The following GNPTAB variants were observed in gnomAD, a reference collection of about 807,000 sequenced individuals.
The protein encoded by GNPTAB is N-acetylglucosamine-1-phosphate transferase subunits alpha and beta.
In GNPTAB, 92 loss-of-function variants were observed where a neutral mutation model predicts 136.6. The observed-to-expected ratio is 0.67, with a 90% CI of 0.57 to 0.80. The LOEUF is 0.80. Ranked by LOEUF, GNPTAB falls within the 30% of genes least tolerant of loss-of-function variation. GNPTAB has a pLI of 0.00. For synonymous variants in GNPTAB, 512 were observed against 535.1 expected, an observed-to-expected ratio of 0.96 and a Z score of 0.60; for missense variants, 1,343 against 1,501.8, an observed-to-expected ratio of 0.89 and a Z score of 1.75.
At chr12:101,778,933 G>C (rs541557276) in intron 7 of GNPTAB, 2 of 149,894 alleles carry the variant, frequency 1.3e-5, no homozygotes, top group East Asian at 4.9e-4. Flanking sequence ...AGAAAAATAT[G>C]AAAAAAGTAA....
At chr12:101,775,658 C>T (rs568146199) in intron 7 of GNPTAB, among the ~76,000 whole-genome samples, 2 of 151,950 alleles carry the variant, frequency 1.3e-5, no homozygotes, top group East Asian at 1.9e-4. Context: ...CCACTATGCC[C>T]GGCCGCTACT....
At chr12:101,779,819 C>G (rs575827801) in intron 7 of GNPTAB, 2 of 345,852 alleles carry the variant, frequency 5.8e-6, no homozygotes, top group Non-Finnish European at 1.1e-5. Context: ...AGCTCGTCTA[C>G]GGCCATACCA....
intron 1 of GNPTAB, among the ~76,000 whole-genome samples, chr12:101,828,219 T>A (rs1033024761): frequency 6.6e-6 from 1 of 152,184 alleles, no homozygotes. Context: ...GTGCTTTACA[T>A]ACCCATCTTA....
At chr12:101,799,694 A>C (rs1869495588) in intron 1 of GNPTAB, among the ~76,000 whole-genome samples, 1 of 150,954 alleles carries the variant, frequency 6.6e-6, no homozygotes, top group African/African-American at 2.5e-5. Context: ...CCTTGGATGC[A>C]TTGTCTCTGA....
At chr12:101,800,604 C>CAAAAAAAAAAAA (rs58129963) in intron 1 of GNPTAB, among the ~76,000 whole-genome samples, 43 of 74,218 alleles carry the variant, frequency 5.8e-4, no homozygotes, top group Middle Eastern at 9.3e-3. Context: ...ACTAAAAATA[C>CAAAAAAAAAAAA]AAAAAAAAAA....
Position 101,745,834 on chromosome 12 carries a change from G to A in GNPTAB, c.*1330C>T, listed in dbSNP as rs904235506. 6.6e-6 allele frequency: 1 copy of A among 152,308 alleles called. No homozygotes were observed. Among genetic ancestry groups the A allele is most frequent in the Non-Finnish European group, 1.5e-5 (1 of 68,124 alleles). 9.4% of individuals were successfully genotyped at this position (152,308 alleles called of 1,614,324 possible). On this transcript the variant is annotated 3_prime_UTR_variant, in exon 21 of 21. Transcript: ENST00000299314. ...GGATCACCTGAGGTCAGGAGTTCAA[G>A]ATAAGCCTGACCAATATGGTGGAAC... is the stretch of plus-strand genomic sequence containing the variant.
At chr12:101,747,438 T>C (rs1178634423) in intron 20 of GNPTAB, among the ~76,000 whole-genome samples, 197 bp from the exon 21 acceptor site, 1 of 152,198 alleles carries the variant, frequency 6.6e-6, no homozygotes, top group Non-Finnish European at 1.5e-5. Flanking sequence ...GTAGGGACAG[T>C]ATGCCTAGAT....
At chr12:101,789,166 T>A (rs1005555038) in intron 3 of GNPTAB, among the ~76,000 whole-genome samples, 5 of 152,194 alleles carry the variant, frequency 3.3e-5, no homozygotes, top group Non-Finnish European at 7.3e-5. Flanking sequence ...ATACCACACC[T>A]GGGGCTCAAA....
chr12:101,788,626 G>A, intron 3 of GNPTAB, 37 bp from the exon 4 acceptor site: 1 of 1,062,822 alleles, frequency 9.4e-7, no homozygotes, highest in Non-Finnish European at 1.5e-6. Flanking sequence ...ACATACATAT[G>A]GGCTACTATA....
chr12:101,747,074 T>C lies in GNPTAB; in HGVS notation c.*90A>G. 3 of 814,296 alleles carry C rather than the reference T, an allele frequency of 3.7e-6. No homozygotes were observed. Among genetic ancestry groups the C allele is most frequent in the Non-Finnish European group, 6.5e-6 (3 of 459,694 alleles). 50.4% of individuals were successfully genotyped at this position (814,296 alleles called of 1,614,324 possible). On this transcript the variant is annotated 3_prime_UTR_variant, in exon 21 of 21. Transcript: ENST00000299314. ...ATTTTCCTTCTTCGGGCCAAACTGC[T>C]AAGCATCACATCACAAAGACATCTC...
At position 101,826,247 on chromosome 12, in the gene GNPTAB, G is replaced by A. The variant is rs539867636; in HGVS notation, c.117+4312C>T. Among the ~76,000 whole-genome samples, 10 of 152,214 alleles carry A rather than the reference G, an allele frequency of 6.6e-5. No homozygotes were observed. In the South Asian group the frequency reaches 1.9e-3, roughly 28 times the overall value. On this transcript the variant is annotated intron_variant, in intron 1 of 20. Coordinates refer to ENST00000299314, the MANE Select transcript of GNPTAB (RefSeq NM_024312.5). The stretch of plus-strand genomic sequence containing the variant: ...TCACGGAAAAATTACCATTCATTAC[G>A]AGTAGATTCTATGTGAACCTATTTT...
rs73183037 is a variant in GNPTAB, at chr12:101,799,291, G to T, written c.118-2529C>A. On this transcript the variant is annotated intron_variant, in intron 1 of 20. Coordinates refer to ENST00000299314, the MANE Select transcript of GNPTAB (RefSeq NM_024312.5). Reference sequence around the variant, plus strand: ...GGAGAATGTAATGCCAGCAAAGACTGGTTTGATCATTTTAAAAAGAGATTT... The same window carrying T: ...GGAGAATGTAATGCCAGCAAAGACTTGTTTGATCATTTTAAAAAGAGATTT... Among the ~76,000 whole-genome samples, 136 of 152,264 alleles carry T rather than the reference G, an allele frequency of 8.9e-4. 1 individual carries two copies. The highest frequency in any genetic ancestry group is 1.4e-3 in the Non-Finnish European group (96 of 68,024).
chr12:101,823,207 G>A (rs192864393), intron 1 of GNPTAB, among the ~76,000 whole-genome samples: 8 of 152,290 alleles, frequency 5.3e-5, no homozygotes, highest in Non-Finnish European at 1.2e-4. Context: ...GCTTAGGAAC[G>A]GAAAAGTGCC....
chr12:101,765,583 G>A (rs1953078685), intron 12 of GNPTAB: 1 of 439,996 alleles, frequency 2.3e-6, no homozygotes, highest in African/African-American at 2.0e-5. Context: ...TACTGGTATA[G>A]GGCTTATTTC....
chr12:101,754,353 G>A (rs1204732227), intron 18 of GNPTAB, among the ~76,000 whole-genome samples: 1 of 152,050 alleles, frequency 6.6e-6, no homozygotes, highest in Non-Finnish European at 1.5e-5. Flanking sequence ...CTGAACTCGG[G>A]AGGCAGAGGT....
At chr12:101,796,860 GT>G in intron 1 of GNPTAB, 98 bp from the exon 2 acceptor site, 1 of 836,512 alleles carries the variant, frequency 1.2e-6, no homozygotes, top group Non-Finnish European at 2.0e-6. Flanking sequence ...AGAGAAATGG[GT>G]AAAGAAATCA....
intron 5 of GNPTAB, among the ~76,000 whole-genome samples, chr12:101,785,379 T>C (rs77591233): frequency 6.6e-6 from 1 of 152,168 alleles, no homozygotes; most frequent in Non-Finnish European, 1.5e-5. Flanking sequence ...TGTGTTTTTT[T>C]GGTTGCTGTT....
In GNPTAB at chr12:101,753,240, C is replaced by T. The variant is rs1453213422; in HGVS notation, c.3602+132G>A. The T allele has an allele frequency of 3.1e-5, 25 of 794,316 alleles. No individual in the cohort carries two copies. The East Asian group carries it at 6.1e-4, about 19-fold the overall frequency. The allele number at this position is 794,316 out of a possible 1,614,324, so 49.2% of individuals were successfully genotyped here. ...TGCACTCCAGCTTGGGCAACAAGAA[C>T]AAAACTCCGTCTCAAAAAAAAAAAA... On this transcript the variant is annotated intron_variant, in intron 19 of 20. Transcript: ENST00000299314.
rs1207429526 is a variant in GNPTAB, at chr12:101,764,531, T to C, written c.2386A>G (p.Lys796Glu). ...QRLTFPAVSV[K>E]VNGHDQGQNP... ...TGACCCTGGTCATGACCATTCACTT[T>C]TACACTCACTGCAGGAAAAGTCAAC... The change falls in exon 13 of 21, where the codon AAA (lysine) becomes GAA (glutamate). Residue 796 changes from lysine (K) to glutamate (E), a missense_variant. Physicochemically the swap from Lys to Glu is moderately conservative, Grantham distance 56 (BLOSUM62 1). Transcript: ENST00000299314. 1 of 1,613,356 alleles carries C rather than the reference T, an allele frequency of 6.2e-7. No individual in the cohort carries two copies. The highest frequency in any genetic ancestry group is 1.1e-5 in the South Asian group (1 of 90,872).
Sources: allele counts gnomAD v4.1 joint callset (sites outside exome capture counted in the v4.1 genomes callset), GRCh38; gene constraint gnomAD v4.1.1; transcripts MANE v1.5; gene names NCBI Gene and HGNC (gene_info 2026-07-23, HGNC 2026-07-21).